CUL3: variants seen among roughly 807,000 people sequenced by gnomAD.
CUL3 encodes cullin-3.
In CUL3, 19 loss-of-function variants were observed where a neutral mutation model predicts 89.1. The ratio of observed to expected loss-of-function variants is 0.21; its 90% CI spans 0.15 to 0.31. The LOEUF is 0.31. Ranked by LOEUF, CUL3 falls within the 10% of genes least tolerant of loss-of-function variation. The pLI is 1.00. For synonymous variants in CUL3, 351 were observed against 308.4 expected (o/e 1.14, Z -1.45); for missense variants, 469 against 942.3 (o/e 0.50, Z 6.58).
intron 2 of CUL3, among the ~76,000 whole-genome samples, chr2:224,544,340 G>A (rs1559202212): frequency 6.6e-6 from 1 of 152,164 alleles, no homozygotes; most frequent in African/African-American, 2.4e-5. Context: ...TCCAAAACAT[G>A]TTGCCTGTTT....
At chr2:224,557,905 A>AAAAG (rs1694773059) in intron 1 of CUL3, 49 bp from the exon 2 acceptor site, 2 of 1,043,758 alleles carry the variant, frequency 1.9e-6, no homozygotes, top group Admixed American at 5.1e-5. Flanking sequence ...AAAAAAAAAA[A>AAAAG]CCAATGGTTG....
At chr2:224,535,321 C>T (rs1391627464) in intron 3 of CUL3, among the ~76,000 whole-genome samples, 2 of 152,084 alleles carry the variant, frequency 1.3e-5, no homozygotes, top group East Asian at 3.9e-4. Flanking sequence ...TTACAGGTGC[C>T]CACCACTGCA....
chr2:224,536,998 CT>C (rs1693924078), intron 2 of CUL3, among the ~76,000 whole-genome samples: 1 of 152,116 alleles, frequency 6.6e-6, no homozygotes, highest in Non-Finnish European at 1.5e-5. Flanking sequence ...CTAAACAAAA[CT>C]TTTTTATCTC....
At chr2:224,521,476 G>A (rs1693259402) in intron 3 of CUL3, among the ~76,000 whole-genome samples, 1 of 151,316 alleles carries the variant, frequency 6.6e-6, no homozygotes, top group Non-Finnish European at 1.5e-5. Flanking sequence ...TGTTGCCCAG[G>A]CTGGAGTGCA....
At chr2:224,535,687 C>T (rs1430108105) in intron 2 of CUL3, 46 bp from the exon 3 acceptor site, 2 of 1,098,068 alleles carry the variant, frequency 1.8e-6, no homozygotes, top group South Asian at 1.3e-5. Context: ...CATCCACACA[C>T]TCGTATATAC....
intron 2 of CUL3, among the ~76,000 whole-genome samples, chr2:224,557,098 G>A (rs1254286240): frequency 6.6e-6 from 1 of 151,912 alleles, no homozygotes; most frequent in Non-Finnish European, 1.5e-5. Flanking sequence ...CATTTTACAT[G>A]CATTGGAAGA....
chr2:224,568,524 G>C (rs920103958), intron 1 of CUL3, among the ~76,000 whole-genome samples: 1 of 152,158 alleles, frequency 6.6e-6, no homozygotes, highest in African/African-American at 2.4e-5. Flanking sequence ...CAATGATACA[G>C]GAAAACGGTT....
At chr2:224,496,897 C>T (rs1035293541) in intron 12 of CUL3, among the ~76,000 whole-genome samples, 4 of 152,172 alleles carry the variant, frequency 2.6e-5, no homozygotes, top group Admixed American at 1.3e-4. Flanking sequence ...AAAACAAAAG[C>T]AGGCAGTAAT....
intron 13 of CUL3, among the ~76,000 whole-genome samples, chr2:224,486,247 C>T (rs1200526512): frequency 6.6e-6 from 1 of 152,150 alleles, no homozygotes; most frequent in East Asian, 1.9e-4. Context: ...GGGCACAAAA[C>T]TGGATGGAGA....
chr2:224,543,091 T>C (rs184546292), intron 2 of CUL3, among the ~76,000 whole-genome samples: 1 of 152,344 alleles, frequency 6.6e-6, no homozygotes, highest in East Asian at 1.9e-4. Context: ...CAGCCAATCC[T>C]AATTAAATGT....
chr2:224,548,303 G>A (rs16866045), intron 2 of CUL3, among the ~76,000 whole-genome samples: 43,621 of 152,058 alleles, frequency 0.29, 6,569 homozygotes, highest in Middle Eastern at 0.41. Context: ...CTCAACAGGC[G>A]GTTTTCTGAA....
At chr2:224,560,111 A>G (rs938982572) in intron 1 of CUL3, among the ~76,000 whole-genome samples, 2 of 151,918 alleles carry the variant, frequency 1.3e-5, no homozygotes, top group Admixed American at 6.6e-5. Context: ...AAAGAAACAA[A>G]TTCCTCACTT....
intron 13 of CUL3, among the ~76,000 whole-genome samples, chr2:224,484,206 A>T (rs1691636695): frequency 6.6e-6 from 1 of 152,078 alleles, no homozygotes; most frequent in African/African-American, 2.4e-5. Flanking sequence ...AATACTAATG[A>T]ACTGCTTTCA....
At position 224,521,760 on chromosome 2, in the gene CUL3, G is replaced by A. The variant is rs1338994947; in HGVS notation, c.379-6988C>T. Among the ~76,000 whole-genome samples, 4 of 151,536 alleles carry A rather than the reference G, an allele frequency of 2.6e-5. No homozygotes were observed. In the East Asian group the frequency reaches 7.7e-4, roughly 29 times the overall value. On this transcript the variant is annotated intron_variant, in intron 3 of 15. Coordinates refer to ENST00000264414, the MANE Select transcript of CUL3 (RefSeq NM_003590.5). ...GTACTTATTCATCTATCCTCTGCCT[G>A]GTCCCACATATGGCCAGCAGTAGCT...
In CUL3 at chr2:224,495,821, A is replaced by G. The variant is rs757111095; in HGVS notation, c.1842+11T>C. ...CAACACAGTTAAAATGTATATAACC[A>G]CAATCCATACCTCAAATGTGTATTT... On this transcript the variant is annotated intron_variant, in intron 13 of 15. Transcript: ENST00000264414. 10 of 1,601,030 alleles carry G rather than the reference A, an allele frequency of 6.2e-6. No homozygotes were observed. In the South Asian group the frequency reaches 1.1e-4, roughly 18 times the overall value.
chr2:224,502,462 A>G (rs1692427952), intron 10 of CUL3, among the ~76,000 whole-genome samples: 1 of 152,194 alleles, frequency 6.6e-6, no homozygotes, highest in Admixed American at 6.5e-5. Flanking sequence ...TTTATAATAC[A>G]TTAATTTCTG....
chr2:224,538,466 A>G (rs1310964408), intron 2 of CUL3, among the ~76,000 whole-genome samples: 1 of 152,218 alleles, frequency 6.6e-6, no homozygotes, highest in Non-Finnish European at 1.5e-5. Context: ...TGAAAAAGAA[A>G]GCAAGCATGG....
In CUL3 at chr2:224,511,408, C is replaced by CTATAGTCTTCAT; in HGVS notation, c.817_828dup (p.Met273_Ile276dup). 6.2e-7 allele frequency: 1 copy of CTATAGTCTTCAT among 1,613,842 alleles called. No homozygotes were observed. Among genetic ancestry groups the CTATAGTCTTCAT allele is most frequent in the Non-Finnish European group, 8.5e-7 (1 of 1,179,878 alleles). On this transcript the variant is annotated inframe_insertion, in exon 6 of 16. Coordinates refer to ENST00000264414, the MANE Select transcript of CUL3 (RefSeq NM_003590.5). ...ACTAGCCCAGAATTCTCCATTTCTACTATAGTCTTCATGTGCTTGGAAATG... is the reference window on the plus strand; with the variant it reads ...ACTAGCCCAGAATTCTCCATTTCTACTATAGTCTTCATTATAGTCTTCATGTGCTTGGAAATG...
intron 2 of CUL3, 132 bp downstream of exon 2, chr2:224,557,527 C>G (rs1400170771): frequency 1.8e-6 from 1 of 561,704 alleles, no homozygotes; most frequent in Admixed American, 3.4e-5. Context: ...TGCTTATTAA[C>G]AGTCACGAAT....
Sources: gnomAD v4.1 joint callset for allele counts (sites outside exome capture counted in the v4.1 genomes callset) on GRCh38, gnomAD v4.1.1 for gene constraint, MANE v1.5 for transcripts, NCBI Gene and HGNC (gene_info 2026-07-23, HGNC 2026-07-21) for gene names.